Variants in MPP4 observed in about 807,000 individuals in gnomAD.
The protein encoded by MPP4 is MAGUK p55 subfamily member 4.
In MPP4, 91 loss-of-function variants were observed where a neutral mutation model predicts 98.3. The ratio of observed to expected loss-of-function variants is 0.93; its 90% CI spans 0.78 to 1.10. MPP4 has a LOEUF of 1.10. Among genes scored for constraint, MPP4 ranks in the 50% least tolerant of loss-of-function variants. The pLI, the probability that MPP4 is intolerant of heterozygous loss-of-function variation, is 0.00. For synonymous variants in MPP4, 261 were observed against 271.8 expected (o/e 0.96, Z 0.39); for missense variants, 744 against 792.9 (o/e 0.94, Z 0.74).
chr2:201,676,391 A>G (rs1688507350), intron 10 of MPP4, among the ~76,000 whole-genome samples: 1 of 152,218 alleles, frequency 6.6e-6, no homozygotes, highest in Admixed American at 6.5e-5. Flanking sequence ...CCTGGGTTCC[A>G]GGCATGCTTC....
chr2:201,690,344 G>A, intron 3 of MPP4, 65 bp from the exon 4 acceptor site: 3 of 1,104,230 alleles, frequency 2.7e-6, no homozygotes, highest in South Asian at 2.7e-5. Flanking sequence ...TTGGATTTAA[G>A]ACTCTCAAAG....
At chr2:201,678,967 C>T (rs1425772758) in intron 10 of MPP4, among the ~76,000 whole-genome samples, 1 of 152,092 alleles carries the variant, frequency 6.6e-6, no homozygotes, top group Non-Finnish European at 1.5e-5. Flanking sequence ...AATAACCTTT[C>T]CCTCATTCAA....
chr2:201,672,020 T>C (rs1255647559), intron 11 of MPP4, among the ~76,000 whole-genome samples: 1 of 152,066 alleles, frequency 6.6e-6, no homozygotes, highest in African/African-American at 2.4e-5. Context: ...CCTCAGCAAA[T>C]GCAAAAGAAC....
chr2:201,646,219 A>G (rs576852267), intron 21 of MPP4, among the ~76,000 whole-genome samples: 3 of 152,226 alleles, frequency 2.0e-5, no homozygotes, highest in Non-Finnish European at 4.4e-5. Flanking sequence ...AAGAAAATGT[A>G]CCAGTTTAAA....
At chr2:201,661,736 T>C in intron 14 of MPP4, among the ~76,000 whole-genome samples, 1 of 152,052 alleles carries the variant, frequency 6.6e-6, no homozygotes, top group Non-Finnish European at 1.5e-5. Context: ...GGCAGAGAGG[T>C]TAAGAGCCAG....
chr2:201,664,550 A>C (rs1342821174), intron 13 of MPP4, among the ~76,000 whole-genome samples: 1 of 152,130 alleles, frequency 6.6e-6, no homozygotes, highest in Admixed American at 6.5e-5. Flanking sequence ...TGAGCATATG[A>C]ATGACTTGAT....
chr2:201,666,312 A>G, intron 13 of MPP4, 22 bp downstream of exon 13: 1 of 1,543,136 alleles, frequency 6.5e-7, no homozygotes, highest in Middle Eastern at 1.7e-4. Flanking sequence ...CTAACAGCAA[A>G]GCAATCAAGA....
chr2:201,664,180 TC>T, intron 13 of MPP4, 79 bp from the exon 14 acceptor site: 1 of 1,506,444 alleles, frequency 6.6e-7, no homozygotes, highest in Non-Finnish European at 8.9e-7. Flanking sequence ...TAAGTCTAAT[TC>T]TCTGGCCCCT....
chr2:201,658,613 A>G, intron 15 of MPP4, 95 bp from the exon 16 acceptor site: 1 of 1,084,074 alleles, frequency 9.2e-7, no homozygotes, highest in Non-Finnish European at 1.3e-6. Flanking sequence ...TCAAGTGACC[A>G]CCTTAGTAGA....
chr2:201,698,440 C>T, intron 1 of MPP4, 147 bp downstream of exon 1: 1 of 496,864 alleles, frequency 2.0e-6, no homozygotes, highest in Non-Finnish European at 3.4e-6. Context: ...CATAAAATTC[C>T]CCATATCATT....
intron 13 of MPP4, 125 bp downstream of exon 13, chr2:201,666,209 G>A (rs1688169918): frequency 1.5e-6 from 1 of 667,850 alleles, no homozygotes; most frequent in East Asian, 3.3e-5. Flanking sequence ...TGGGGGTGGA[G>A]GGTCATTTTA....
intron 12 of MPP4, among the ~76,000 whole-genome samples, chr2:201,669,388 T>G (rs1164361778): frequency 2.0e-5 from 3 of 152,214 alleles, no homozygotes; most frequent in African/African-American, 7.2e-5. Flanking sequence ...TATAAAGCAG[T>G]TGAAACAAAA....
In MPP4 at chr2:201,693,044, G is replaced by A; in HGVS notation, c.80-15C>T. 1.2e-6 allele frequency: 2 copies of A among 1,606,736 alleles called. No individual in the cohort carries two copies. The highest frequency in any genetic ancestry group is 1.7e-4 in the Middle Eastern group (1 of 5,878). The stretch of plus-strand genomic sequence containing the variant: ...CTGGGAGAGGCCTAGGAAAGGAAGA[G>A]AGCAGAGATGGGGTGGCAGGTGCGG... On this transcript the variant is annotated splice_polypyrimidine_tract_variant and intron_variant, in intron 2 of 21. Coordinates refer to ENST00000409474, the MANE Select transcript of MPP4 (RefSeq NM_033066.3).
In MPP4 at chr2:201,694,009, C is replaced by A; in HGVS notation, c.-55G>T. 1 of 1,613,442 alleles carries A rather than the reference C, an allele frequency of 6.2e-7. No homozygotes were observed. Among genetic ancestry groups the A allele is most frequent in the Non-Finnish European group, 8.5e-7 (1 of 1,179,626 alleles). On this transcript the variant is annotated 5_prime_UTR_variant, in exon 2 of 22. Transcript: ENST00000409474. ...CAGGACTAGGAAGCGGGTCAATACA[C>A]GGCACACAGCTCACTCAGTCCCACT...
intron 1 of MPP4, among the ~76,000 whole-genome samples, chr2:201,696,828 C>T (rs1362069629): frequency 1.3e-5 from 2 of 152,166 alleles, no homozygotes; most frequent in East Asian, 1.9e-4. Context: ...CAAAGTTTCT[C>T]AGCCATAGAG....
chr2:201,682,880 T>C lies in MPP4; in HGVS notation c.611A>G (p.Asn204Ser), dbSNP rs760255426. 1.2e-6 allele frequency: 2 copies of C among 1,613,828 alleles called. No individual in the cohort carries two copies. Among genetic ancestry groups the C allele is most frequent in the African/African-American group, 2.7e-5 (2 of 74,896 alleles). Residue 204 changes from asparagine (N) to serine (S), a missense_variant, in exon 8 of 22, where the codon AAT (asparagine) becomes AGT (serine). Transcript: ENST00000409474. ...LYAGDKLVEV[N>S]GVSVEGLDPE... ...GTCCAGTCCCTCAACTGAAACTCCATTCACTTCTACCAGTTTGTCTCCAGC... is the reference window on the plus strand; with the variant it reads ...GTCCAGTCCCTCAACTGAAACTCCACTCACTTCTACCAGTTTGTCTCCAGC...
In MPP4 at chr2:201,649,712, A is replaced by T. The variant is rs563017324; in HGVS notation, c.1476-28T>A. 1.1e-5 allele frequency: 17 copies of T among 1,480,058 alleles called. No homozygotes were observed. The African/African-American group carries it at 1.2e-4, about 11-fold the overall frequency. The allele number at this position is 1,480,058 out of a possible 1,614,324, so 91.7% of individuals were successfully genotyped here. On this transcript the variant is annotated intron_variant, in intron 19 of 21. Transcript: ENST00000409474. The stretch of plus-strand genomic sequence containing the variant: ...GCAAGAGCAGGCCAAACAAAACAGA[A>T]CACTTTCTACAAGGAAAATATTATT...
In MPP4 at chr2:201,681,034, C is replaced by T. The variant is rs780257601; in HGVS notation, c.733G>A (p.Val245Met). Reference sequence around the variant, plus strand: ...TACTCAGTCATGGCACGGACGTACACCTGATGGCAGGTGCATAATGACGCT... The same window carrying T: ...TACTCAGTCATGGCACGGACGTACATCTGATGGCAGGTGCATAATGACGCT... ...SDPPVNSQQM[V>M]YVRAMTEYWP... The change falls in exon 10 of 22, where the codon GTG becomes ATG. Residue 245 changes from valine to methionine, a missense_variant and splice_region_variant. Val to Met is a conservative substitution (Grantham distance 21). Coordinates refer to ENST00000409474, the MANE Select transcript of MPP4 (RefSeq NM_033066.3). 13 of 1,607,360 alleles carry T rather than the reference C, an allele frequency of 8.1e-6. No individual in the cohort carries two copies. Among genetic ancestry groups the T allele is most frequent in the Admixed American group, 1.7e-5 (1 of 59,900 alleles).
chr2:201,681,631 G>C, intron 8 of MPP4, 64 bp from the exon 9 acceptor site: 1 of 1,262,824 alleles, frequency 7.9e-7, no homozygotes, highest in Non-Finnish European at 1.1e-6. Flanking sequence ...GGGGCTCGGT[G>C]GACAGAGTTA....
Sources: gnomAD v4.1 joint callset for allele counts (sites outside exome capture counted in the v4.1 genomes callset) on GRCh38, gnomAD v4.1.1 for gene constraint, MANE v1.5 for transcripts, NCBI Gene and HGNC (gene_info 2026-07-23, HGNC 2026-07-21) for gene names.